Variants in ADCYAP1R1 observed in about 807,000 individuals in gnomAD.
ADCYAP1R1 encodes the protein pituitary adenylate cyclase-activating polypeptide type I receptor.
In ADCYAP1R1, 44 loss-of-function variants were observed where a neutral mutation model predicts 67.6. The observed-to-expected ratio is 0.65, with a 90% CI of 0.51 to 0.84. ADCYAP1R1 has a LOEUF of 0.84. Among genes scored for constraint, ADCYAP1R1 ranks in the 40% least tolerant of loss-of-function variants. The probability of loss-of-function intolerance (pLI) is 0.00; values close to 1 mark genes in which losing one functional copy is unlikely to be tolerated. For missense variants in ADCYAP1R1, 477 were observed against 587.9 expected (o/e 0.81, Z 1.95); for synonymous variants, 222 against 219.6 (o/e 1.01, Z -0.10).
At chr7:31,084,937 C>A (rs934798233) in intron 8 of ADCYAP1R1, 103 bp downstream of exon 8, 2 of 1,117,904 alleles carry the variant, frequency 1.8e-6, no homozygotes, top group Non-Finnish European at 1.4e-6. Flanking sequence ...CCTAGAAGAC[C>A]CCTTTGAAGG....
chr7:31,110,218 T>G lies in ADCYAP1R1; in HGVS notation c.*3534T>G, dbSNP rs767494643. On this transcript the variant is annotated 3_prime_UTR_variant, in exon 16 of 16. Coordinates refer to ENST00000304166, the MANE Select transcript of ADCYAP1R1 (RefSeq NM_001118.5). ...TGAAGCCAGCAAAGTGATAATACTT[T>G]ATCATTTAGTATTATCATAAAGTAT... 6.6e-6 allele frequency: 1 copy of G among 151,876 alleles called. No individual in the cohort carries two copies. Among genetic ancestry groups the G allele is most frequent in the African/African-American group, 2.4e-5 (1 of 41,316 alleles). 9.4% of individuals were successfully genotyped at this position (151,876 alleles called of 1,614,324 possible).
chr7:31,083,190 G>A (rs1795584239), intron 6 of ADCYAP1R1, among the ~76,000 whole-genome samples: 1 of 152,272 alleles, frequency 6.6e-6, no homozygotes, highest in African/African-American at 2.4e-5. Context: ...CGCTCCCAGT[G>A]TCAGGCGGGG....
At position 31,086,644 on chromosome 7, in the gene ADCYAP1R1, G is replaced by A; in HGVS notation, c.823+107G>A. On this transcript the variant is annotated intron_variant, in intron 10 of 15. Coordinates refer to ENST00000304166, the MANE Select transcript of ADCYAP1R1 (RefSeq NM_001118.5). This position sits in a 1 kb window ranked among gnomAD's most constrained non-coding sequence, Gnocchi z 5.0. Reference sequence around the variant, plus strand: ...AAGTGTCAGGTGAGGAGGGGCCACTGCCCTGCCCGAGTCTAATGGCCTAGG... The same window carrying A: ...AAGTGTCAGGTGAGGAGGGGCCACTACCCTGCCCGAGTCTAATGGCCTAGG... 7.4e-7 allele frequency: 1 copy of A among 1,355,160 alleles called. No homozygotes were observed. Among genetic ancestry groups the A allele is most frequent in the Non-Finnish European group, 1.0e-6 (1 of 977,734 alleles). 83.9% of individuals were successfully genotyped at this position (1,355,160 alleles called of 1,614,324 possible).
chr7:31,063,208 G>A lies in ADCYAP1R1; in HGVS notation c.-57G>A. 1 of 1,606,188 alleles carries A rather than the reference G, an allele frequency of 6.2e-7. No individual in the cohort carries two copies. The highest frequency in any genetic ancestry group is 1.1e-5 in the South Asian group (1 of 90,902). On this transcript the variant is annotated 5_prime_UTR_variant, in exon 2 of 16. Transcript: ENST00000304166. The stretch of plus-strand genomic sequence containing the variant: ...TTCCTCTCTAGCCCAGAGACACATT[G>A]GGGCTGACCTGCCGCTGCTGTCAGT...
chr7:31,087,138 C>G lies in ADCYAP1R1; in HGVS notation c.884+135C>G, dbSNP rs1192634578. ...GCCAGGCCCAGACTAAAGCCCAGCA[C>G]TGGGCACCACCTGAGCCATGGCCCC... On this transcript the variant is annotated intron_variant, in intron 11 of 15. Coordinates refer to ENST00000304166, the MANE Select transcript of ADCYAP1R1 (RefSeq NM_001118.5). 2.9e-6 allele frequency: 3 copies of G among 1,031,696 alleles called. No individual in the cohort carries two copies. In the Admixed American group the frequency reaches 6.3e-5, roughly 22 times the overall value. The allele number at this position is 1,031,696 out of a possible 1,614,324, so 63.9% of individuals were successfully genotyped here.
At chr7:31,098,839 G>T (rs1039069305) in intron 13 of ADCYAP1R1, among the ~76,000 whole-genome samples, 35 of 152,006 alleles carry the variant, frequency 2.3e-4, no homozygotes, top group African/African-American at 8.5e-4. Flanking sequence ...ACACAAGGCA[G>T]ATCCTGAATG....
At chr7:31,093,372 C>T (rs1464018112) in intron 13 of ADCYAP1R1, among the ~76,000 whole-genome samples, 1 of 152,184 alleles carries the variant, frequency 6.6e-6, no homozygotes, top group Non-Finnish European at 1.5e-5. Flanking sequence ...GGGCTTTCTC[C>T]ACTTCCATGG....
In ADCYAP1R1 at chr7:31,102,079, C is replaced by T. The variant is rs1796462827; in HGVS notation, c.1047-1158C>T. On this transcript the variant is annotated intron_variant, in intron 13 of 15. Transcript: ENST00000304166. The surrounding 1 kb of genome is among the most constrained non-coding windows in gnomAD (Gnocchi z 4.3). ...CCTCACACAGACTCCAAGAGTTCAGCTTCTCTAGAGATCTGGAGCTCCCAT... is the reference window on the plus strand; with the variant it reads ...CCTCACACAGACTCCAAGAGTTCAGTTTCTCTAGAGATCTGGAGCTCCCAT... Among the ~76,000 whole-genome samples, 1 of 152,252 alleles carries T rather than the reference C, an allele frequency of 6.6e-6. No homozygotes were observed. Among genetic ancestry groups the T allele is most frequent in the Non-Finnish European group, 1.5e-5 (1 of 68,038 alleles).
chr7:31,080,760 A>G, intron 5 of ADCYAP1R1, 127 bp downstream of exon 5: 1 of 957,168 alleles, frequency 1.0e-6, no homozygotes, highest in Non-Finnish European at 1.6e-6. Context: ...CTCACTGGGT[A>G]TCAGGTTCTT....
chr7:31,075,642 GAAGGAA>G (rs973524733), intron 3 of ADCYAP1R1, among the ~76,000 whole-genome samples: 5 of 152,176 alleles, frequency 3.3e-5, no homozygotes, highest in Non-Finnish European at 5.9e-5. Flanking sequence ...CCACAGGCTG[GAAGGAA>G]AAGTGAGTGG....
chr7:31,055,863 A>T (rs1794217622), intron 1 of ADCYAP1R1, among the ~76,000 whole-genome samples: 1 of 152,202 alleles, frequency 6.6e-6, no homozygotes, highest in African/African-American at 2.4e-5. Flanking sequence ...CAGGCCTAGG[A>T]GAGGGTCCCT....
intron 12 of ADCYAP1R1, among the ~76,000 whole-genome samples, chr7:31,089,861 T>A (rs924130025): frequency 6.6e-6 from 1 of 152,214 alleles, no homozygotes; most frequent in Non-Finnish European, 1.5e-5. Context: ...ACATGATCTG[T>A]TTATTCTTTT....
At chr7:31,077,413 GTGATGTGTGTGTGGTGTA>G (rs1795291685) in intron 3 of ADCYAP1R1, among the ~76,000 whole-genome samples, 1 of 59,414 alleles carries the variant, frequency 1.7e-5, no homozygotes, top group Non-Finnish European at 3.9e-5. Context: ...TGGTGTGTGT[GTGATGTGTGTGTGGTGTA>G]TATGTGTGAT....
intron 7 of ADCYAP1R1, among the ~76,000 whole-genome samples, chr7:31,084,464 G>A (rs1485614344): frequency 6.6e-6 from 1 of 152,234 alleles, no homozygotes; most frequent in African/African-American, 2.4e-5. Flanking sequence ...GGACCTTTGT[G>A]TAGTCCAAGG....
At chr7:31,057,496 C>T (rs965620799) in intron 1 of ADCYAP1R1, among the ~76,000 whole-genome samples, 1 of 152,250 alleles carries the variant, frequency 6.6e-6, no homozygotes, top group Non-Finnish European at 1.5e-5. Context: ...TGGTTCCCTA[C>T]CCAAGCTTGT....
intron 1 of ADCYAP1R1, among the ~76,000 whole-genome samples, chr7:31,059,636 A>G (rs1237754559): frequency 1.3e-5 from 2 of 152,136 alleles, no homozygotes; most frequent in Non-Finnish European, 1.5e-5. Flanking sequence ...AGCCACTGGC[A>G]GGGCTGGGGT....
intron 3 of ADCYAP1R1, among the ~76,000 whole-genome samples, chr7:31,067,833 G>A (rs1008960446): frequency 1.3e-5 from 2 of 152,216 alleles, no homozygotes; most frequent in East Asian, 3.8e-4. Context: ...TAAGGACAGC[G>A]TATGGGATTT....
intron 13 of ADCYAP1R1, among the ~76,000 whole-genome samples, chr7:31,093,920 G>T (rs903638693): frequency 1.3e-5 from 2 of 152,002 alleles, no homozygotes; most frequent in African/African-American, 4.8e-5. Flanking sequence ...GAACTGCTCG[G>T]AGACCAAATC....
At chr7:31,099,351 T>C (rs1477468670) in intron 13 of ADCYAP1R1, among the ~76,000 whole-genome samples, 8 of 152,210 alleles carry the variant, frequency 5.3e-5, no homozygotes, top group African/African-American at 4.8e-5. Flanking sequence ...TGCTGTCCGA[T>C]ATGATAACCA....
Sources: allele counts gnomAD v4.1 joint callset (sites outside exome capture counted in the v4.1 genomes callset), GRCh38; gene constraint gnomAD v4.1.1; non-coding constraint Gnocchi (gnomAD v3.1); transcripts MANE v1.5; gene names NCBI Gene and HGNC (gene_info 2026-07-23, HGNC 2026-07-21).